Variants in GAS7 observed in about 807,000 individuals in gnomAD.
The protein encoded by GAS7 is growth arrest specific 7.
A neutral mutation model predicts 71.1 loss-of-function variants in GAS7; 28 were observed. The observed-to-expected ratio is 0.39, with a 90% CI of 0.29 to 0.54. The LOEUF is 0.54. GAS7 is among the 20% of genes least tolerant of loss of function. The pLI, the probability that GAS7 is intolerant of heterozygous loss-of-function variation, is 0.62. For synonymous variants in GAS7, 258 were observed against 245.8 expected (o/e 1.05, Z -0.46); for missense variants, 436 against 627.8 (o/e 0.69, Z 3.27).
intron 1 of GAS7, among the ~76,000 whole-genome samples, chr17:10,143,026 A>T (rs9907274): frequency 4.8e-4 from 70 of 145,990 alleles, no homozygotes; most frequent in African/African-American, 1.7e-3. Context: ...CAAAAAAAAA[A>T]AAAAAATTAG....
intron 1 of GAS7, among the ~76,000 whole-genome samples, chr17:10,051,389 C>T (rs1347976836): frequency 6.6e-6 from 1 of 152,158 alleles, no homozygotes; most frequent in African/African-American, 2.4e-5. Context: ...AAGGAAAGAG[C>T]ACGTGAATGA....
intron 1 of GAS7, chr17:10,036,639 C>T (rs1294022289): frequency 7.0e-7 from 1 of 1,434,136 alleles, no homozygotes. Context: ...TTGCTCATTG[C>T]TGTTCTTTCA....
intron 1 of GAS7, among the ~76,000 whole-genome samples, chr17:10,124,847 G>A (rs2073932329): frequency 6.6e-6 from 1 of 152,084 alleles, no homozygotes; most frequent in African/African-American, 2.4e-5. Flanking sequence ...GAACCCGGGA[G>A]GTGGAGGTTG....
At chr17:9,930,933 A>G (rs1220159097) in intron 9 of GAS7, among the ~76,000 whole-genome samples, 1 of 152,144 alleles carries the variant, frequency 6.6e-6, no homozygotes, top group Non-Finnish European at 1.5e-5. Context: ...GGTCTTCATG[A>G]GCTTCCTGTC....
At chr17:10,113,105 G>A (rs1011788402) in intron 1 of GAS7, among the ~76,000 whole-genome samples, 1 of 152,106 alleles carries the variant, frequency 6.6e-6, no homozygotes, top group Non-Finnish European at 1.5e-5. Context: ...GCAATAGAGT[G>A]GGGGAGCCAT....
intron 1 of GAS7, among the ~76,000 whole-genome samples, chr17:10,144,120 G>T: frequency 1.8e-5 from 1 of 54,708 alleles, no homozygotes; most frequent in South Asian, 5.6e-4. Context: ...CTGGCAAGAT[G>T]TGATTGCAGG....
At chr17:10,105,234 C>CT (rs1246804270) in intron 1 of GAS7, among the ~76,000 whole-genome samples, 1 of 152,172 alleles carries the variant, frequency 6.6e-6, no homozygotes, top group Non-Finnish European at 1.5e-5. Flanking sequence ...ACCTGCCCTG[C>CT]TTTTAGGGGG....
intron 1 of GAS7, among the ~76,000 whole-genome samples, chr17:10,033,006 A>C (rs1175947474): frequency 3.3e-5 from 5 of 152,162 alleles, no homozygotes; most frequent in Admixed American, 3.3e-4. Context: ...CCCCTTTGCC[A>C]CAGGTCCCTG....
chr17:10,173,262 G>A (rs780314847), intron 1 of GAS7, among the ~76,000 whole-genome samples: 38 of 152,106 alleles, frequency 2.5e-4, no homozygotes, highest in Non-Finnish European at 5.0e-4. Context: ...GGATAATGGT[G>A]GTGGCTGTAT....
In GAS7 at chr17:10,034,862, G is replaced by A. The variant is rs1187521773; in HGVS notation, c.184-14965C>T. Among the ~76,000 whole-genome samples, 1 of 152,132 alleles carries A rather than the reference G, an allele frequency of 6.6e-6. No homozygotes were observed. The highest frequency in any genetic ancestry group is 1.5e-5 in the Non-Finnish European group (1 of 68,018). ...CTTCCCTGTCACTCCTCCGAGCCAC[G>A]TGAGTGGTCTTAGCTCTATTTGCCT... On this transcript the variant is annotated intron_variant, in intron 1 of 13. Coordinates refer to ENST00000432992, the MANE Select transcript of GAS7 (RefSeq NM_201433.2). The surrounding 1 kb of genome is among the most constrained non-coding windows in gnomAD (Gnocchi z 4.4).
intron 1 of GAS7, among the ~76,000 whole-genome samples, chr17:10,156,600 G>A (rs920281197): frequency 2.0e-5 from 3 of 152,176 alleles, no homozygotes; most frequent in African/African-American, 7.2e-5. Context: ...GGACTCCAGG[G>A]ACCCTCGCAC....
At chr17:10,005,059 ATG>A (rs1187401478) in intron 2 of GAS7, among the ~76,000 whole-genome samples, 10 of 146,474 alleles carry the variant, frequency 6.8e-5, no homozygotes, top group Admixed American at 2.7e-4. Flanking sequence ...ATACACATAT[ATG>A]TGTGTATGCA....
chr17:10,167,795 C>T (rs1018658102), intron 1 of GAS7, among the ~76,000 whole-genome samples: 1 of 152,058 alleles, frequency 6.6e-6, no homozygotes, highest in African/African-American at 2.4e-5. Context: ...ACCTTCTGGG[C>T]TCAGGTGATC....
chr17:10,139,713 T>A (rs2074065467), intron 1 of GAS7, among the ~76,000 whole-genome samples: 1 of 152,212 alleles, frequency 6.6e-6, no homozygotes, highest in African/African-American at 2.4e-5. Flanking sequence ...TCCTTATACA[T>A]TCTGCTTAGC....
rs572276992 is a variant in GAS7, at chr17:9,913,645, T to G, written c.*3583A>C. The stretch of plus-strand genomic sequence containing the variant: ...CAGAAATTCTCCTTGGCCAACAGGG[T>G]GCTGAGTGGAGGTAGAAAGGAGGCC... On this transcript the variant is annotated 3_prime_UTR_variant, in exon 14 of 14. Coordinates refer to ENST00000432992, the MANE Select transcript of GAS7 (RefSeq NM_201433.2). 68 of 230,286 alleles carry G rather than the reference T, an allele frequency of 3.0e-4. No individual in the cohort carries two copies. The highest frequency in any genetic ancestry group is 1.4e-3 in the African/African-American group (61 of 45,126). 14.3% of individuals were successfully genotyped at this position (230,286 alleles called of 1,614,324 possible).
At chr17:9,938,446 G>C (rs1020141976) in intron 8 of GAS7, among the ~76,000 whole-genome samples, 26 of 146,654 alleles carry the variant, frequency 1.8e-4, no homozygotes, top group African/African-American at 4.6e-4. Flanking sequence ...ACTCCAGTCT[G>C]GGCGACAGAG....
chr17:10,124,675 G>T (rs369223099), intron 1 of GAS7, among the ~76,000 whole-genome samples: 15 of 152,176 alleles, frequency 9.9e-5, no homozygotes, highest in East Asian at 1.9e-4. Flanking sequence ...CAGCAGTTTG[G>T]GGGGGAGCTG....
chr17:10,040,489 T>G (rs1472747997), intron 1 of GAS7, among the ~76,000 whole-genome samples: 2 of 152,108 alleles, frequency 1.3e-5, no homozygotes, highest in Non-Finnish European at 2.9e-5. Flanking sequence ...GGCTGTGCTT[T>G]GTAGAAATCA....
In GAS7 at chr17:9,951,124, GA is replaced by G. The variant is rs1293333758; in HGVS notation, c.526-4142del. Among the ~76,000 whole-genome samples the G allele has an allele frequency of 7.2e-5, 11 of 152,194 alleles. No homozygotes were observed. In the East Asian group the frequency reaches 2.1e-3, roughly 29 times the overall value. The stretch of plus-strand genomic sequence containing the variant: ...AACCCACTGCCAAGCAGGCAATCAT[GA>G]AAACAAGGGACGGGTTTCAAAAGTG... On this transcript the variant is annotated intron_variant, in intron 5 of 13. Coordinates refer to ENST00000432992, the MANE Select transcript of GAS7 (RefSeq NM_201433.2).
Sources: gnomAD v4.1 joint callset for allele counts (sites outside exome capture counted in the v4.1 genomes callset) on GRCh38, gnomAD v4.1.1 for gene constraint, Gnocchi (gnomAD v3.1) non-coding constraint, MANE v1.5 for transcripts, NCBI Gene and HGNC (gene_info 2026-07-23, HGNC 2026-07-21) for gene names.